Variants in NOVA1 observed in about 807,000 individuals in gnomAD.
NOVA1 encodes the protein RNA-binding protein Nova-1.
A neutral mutation model predicts 38.0 loss-of-function variants in NOVA1; 7 were observed. That is an observed-to-expected ratio of 0.18 (90% CI 0.10 to 0.35). NOVA1 has a LOEUF of 0.35. Among genes scored for constraint, NOVA1 ranks in the 10% least tolerant of loss-of-function variants. The pLI, the probability that NOVA1 is intolerant of heterozygous loss-of-function variation, is 1.00. For missense variants in NOVA1, 460 were observed against 616.0 expected, an observed-to-expected ratio of 0.75 and a Z score of 2.68; for synonymous variants, 270 against 232.5, an observed-to-expected ratio of 1.16 and a Z score of -1.47.
chr14:26,575,328 T>C (rs753746566), intron 2 of NOVA1, among the ~76,000 whole-genome samples: 5 of 152,168 alleles, frequency 3.3e-5, no homozygotes, highest in Non-Finnish European at 7.4e-5. Flanking sequence ...AATCTGTCTC[T>C]ATCAGTTATG....
chr14:26,496,320 C>T (rs1476413868), intron 2 of NOVA1, among the ~76,000 whole-genome samples: 2 of 152,184 alleles, frequency 1.3e-5, no homozygotes, highest in Non-Finnish European at 2.9e-5. Context: ...TGTTCATGTC[C>T]TTCGCCCACT....
chr14:26,452,304 T>C (rs1008774700), intron 4 of NOVA1, among the ~76,000 whole-genome samples: 1 of 152,140 alleles, frequency 6.6e-6, no homozygotes, highest in Non-Finnish European at 1.5e-5. Context: ...GACAAAAAAC[T>C]GAAATTCAGT....
intron 4 of NOVA1, among the ~76,000 whole-genome samples, chr14:26,455,829 T>A (rs568137762): frequency 6.6e-6 from 1 of 152,078 alleles, no homozygotes; most frequent in East Asian, 1.9e-4. Flanking sequence ...AGAAGTTAAA[T>A]AACTATGAAA....
At position 26,443,278 on chromosome 14, in the gene NOVA1, A is replaced by C. The variant is rs900415395; in HGVS notation, c.*4681T>G. 6 of 151,990 alleles carry C rather than the reference A, an allele frequency of 3.9e-5. No homozygotes were observed. The highest frequency in any genetic ancestry group is 3.3e-4 in the Admixed American group (5 of 15,248). The allele number at this position is 151,990 out of a possible 1,614,324, so 9.4% of individuals were successfully genotyped here. A position where few individuals can be genotyped will look rare whatever the true frequency, so the allele number is the denominator to read the frequency against. ...AATGAGACAATTGCCTTTCCATTGC[A>C]ATTATAAAAAACTATTTAAAAAAAA... is the stretch of plus-strand genomic sequence containing the variant. On this transcript the variant is annotated 3_prime_UTR_variant, in exon 5 of 5. Coordinates refer to ENST00000539517, the MANE Select transcript of NOVA1 (RefSeq NM_002515.3).
At chr14:26,529,634 G>A (rs1332692410) in intron 2 of NOVA1, among the ~76,000 whole-genome samples, 1 of 152,158 alleles carries the variant, frequency 6.6e-6, no homozygotes. Flanking sequence ...GAGAGAATGG[G>A]AGACTATCAC....
intron 1 of NOVA1, chr14:26,596,069 A>C (rs978956768): frequency 1.3e-5 from 3 of 229,946 alleles, no homozygotes; most frequent in South Asian, 5.6e-5. Flanking sequence ...TCCGCAAAAC[A>C]ACCATTCTCC....
At chr14:26,581,406 G>C (rs547554470) in intron 2 of NOVA1, among the ~76,000 whole-genome samples, 1 of 152,028 alleles carries the variant, frequency 6.6e-6, no homozygotes, top group East Asian at 1.9e-4. Context: ...AATTTAAAAA[G>C]TGAGAAACAA....
intron 2 of NOVA1, among the ~76,000 whole-genome samples, chr14:26,572,946 G>GATTAAATATTATTA: frequency 1.3e-5 from 2 of 152,032 alleles, no homozygotes; most frequent in East Asian, 3.9e-4. Context: ...ATATAATAAA[G>GATTAAATATTATTA]TGTACATAAA....
intron 2 of NOVA1, among the ~76,000 whole-genome samples, chr14:26,576,760 T>C (rs1035029334): frequency 6.6e-6 from 1 of 151,882 alleles, no homozygotes; most frequent in Non-Finnish European, 1.5e-5. Context: ...TATTATTGTA[T>C]ATACTTAAGG....
chr14:26,544,712 T>A (rs1380255839), intron 2 of NOVA1, among the ~76,000 whole-genome samples: 4 of 151,064 alleles, frequency 2.6e-5, no homozygotes, highest in Admixed American at 6.6e-5. Context: ...AAGAAAAAAA[T>A]TGAGAAGAAA....
intron 2 of NOVA1, among the ~76,000 whole-genome samples, chr14:26,584,740 G>A (rs1182221140): frequency 6.6e-6 from 1 of 151,262 alleles, no homozygotes; most frequent in Non-Finnish European, 1.5e-5. Context: ...TTAAAATTCA[G>A]TCCCCAAAAC....
chr14:26,518,606 G>T (rs1018503501), intron 2 of NOVA1, among the ~76,000 whole-genome samples: 1 of 151,954 alleles, frequency 6.6e-6, no homozygotes, highest in Non-Finnish European at 1.5e-5. Context: ...AACCAAATGA[G>T]GGTATTTAGC....
intron 2 of NOVA1, among the ~76,000 whole-genome samples, chr14:26,510,281 C>A (rs1887972124): frequency 6.6e-6 from 1 of 152,084 alleles, no homozygotes; most frequent in Admixed American, 6.6e-5. Flanking sequence ...CATTTATAAT[C>A]TAGTTAGCCT....
chr14:26,550,403 A>G (rs1332604037), intron 2 of NOVA1, among the ~76,000 whole-genome samples: 1 of 152,206 alleles, frequency 6.6e-6, no homozygotes, highest in Admixed American at 6.5e-5. Flanking sequence ...ATAAAAAGAC[A>G]ACTTTTCTTC....
At chr14:26,557,321 G>A (rs1289048342) in intron 2 of NOVA1, among the ~76,000 whole-genome samples, 1 of 152,056 alleles carries the variant, frequency 6.6e-6, no homozygotes, top group Non-Finnish European at 1.5e-5. Flanking sequence ...CATATGTTGG[G>A]GAGGTTGCGG....
At chr14:26,512,496 T>C (rs1023693354) in intron 2 of NOVA1, among the ~76,000 whole-genome samples, 5 of 152,170 alleles carry the variant, frequency 3.3e-5, no homozygotes, top group Non-Finnish European at 7.4e-5. Flanking sequence ...CTTCAACAAT[T>C]GTAATATAAT....
At chr14:26,597,160 C>A (rs1405029773) in intron 1 of NOVA1, 141 bp downstream of exon 1, 9 of 1,182,840 alleles carry the variant, frequency 7.6e-6, no homozygotes, top group Non-Finnish European at 9.5e-6. Context: ...GGGGCAGGGG[C>A]GCAGGGGCCG....
In NOVA1 at chr14:26,597,672, C is replaced by T; in HGVS notation, c.-236G>A. 1 of 1,189,708 alleles carries T rather than the reference C, an allele frequency of 8.4e-7. No individual in the cohort carries two copies. Among genetic ancestry groups the T allele is most frequent in the Non-Finnish European group, 1.0e-6 (1 of 965,504 alleles). 73.7% of individuals were successfully genotyped at this position (1,189,708 alleles called of 1,614,324 possible). A position where few individuals can be genotyped will look rare whatever the true frequency, so the allele number is the denominator to read the frequency against. On this transcript the variant is annotated 5_prime_UTR_variant, in exon 1 of 5. Transcript: ENST00000539517. Reference sequence around the variant, plus strand: ...CTGCAGTGCAGTGTCAGAAAGGAGACAGGGGAATGGAGGGGGTGTGAGAGA... The same window carrying T: ...CTGCAGTGCAGTGTCAGAAAGGAGATAGGGGAATGGAGGGGGTGTGAGAGA...
intron 3 of NOVA1, among the ~76,000 whole-genome samples, chr14:26,472,795 C>T (rs771219387): frequency 2.0e-5 from 3 of 151,544 alleles, no homozygotes; most frequent in South Asian, 2.1e-4. Flanking sequence ...TGAATACAGT[C>T]GGAGATTTGA....
Sources: gnomAD v4.1 joint callset for allele counts (sites outside exome capture counted in the v4.1 genomes callset) on GRCh38, gnomAD v4.1.1 for gene constraint, MANE v1.5 for transcripts, NCBI Gene and HGNC (gene_info 2026-07-23, HGNC 2026-07-21) for gene names.